NHS: variants seen among roughly 807,000 people sequenced by gnomAD.
NHS encodes the protein actin remodeling regulator NHS.
In NHS, 5 loss-of-function variants were observed where a neutral mutation model predicts 72.5. The observed-to-expected ratio is 0.07, with a 90% CI of 0.04 to 0.14. NHS has a LOEUF of 0.14. Among genes scored for constraint, NHS ranks in the 10% least tolerant of loss-of-function variants. The pLI, the probability that NHS is intolerant of heterozygous loss-of-function variation, is 1.00. For missense variants in NHS, 1,072 were observed against 1,355.7 expected (o/e 0.79, Z 3.29); for synonymous variants, 464 against 547.7 (o/e 0.85, Z 2.13).
intron 1 of NHS, among the ~76,000 whole-genome samples, chrX:17,509,915 A>T (rs1380808974): frequency 1.8e-5 from 2 of 112,778 alleles, no homozygotes; most frequent in Non-Finnish European, 3.7e-5. Flanking sequence ...GCAGCAGACA[A>T]TTCCAGCGTC....
At chrX:17,600,796 T>G (rs2065645811) in intron 1 of NHS, among the ~76,000 whole-genome samples, 1 of 107,028 alleles carries the variant, frequency 9.3e-6, no homozygotes, top group Non-Finnish European at 1.9e-5. Context: ...AAAGGTTGGG[T>G]GGGGGAGCGA....
chrX:17,537,260 C>A lies in NHS; in HGVS notation c.566-150482C>A, dbSNP rs139010890. Among the ~76,000 whole-genome samples the A allele has an allele frequency of 5.4e-3, 602 of 111,954 alleles. 8 individuals are homozygous for A. Among genetic ancestry groups the A allele is most frequent in the African/African-American group, 0.019 (575 of 30,679 alleles). On this transcript the variant is annotated intron_variant, in intron 1 of 8. Coordinates refer to ENST00000676302, the MANE Select transcript of NHS (RefSeq NM_001291867.2). ...GACCAGCTAAGTTCGATCAAAAGCA[C>A]CATTAGGAGATGAGAGCTTTATCTT...
chrX:17,415,006 T>C (rs2064584553), intron 1 of NHS, among the ~76,000 whole-genome samples: 1 of 111,215 alleles, frequency 9.0e-6, no homozygotes, highest in Admixed American at 9.5e-5. Context: ...GGCTGGTATC[T>C]TGGTACTGAG....
At chrX:17,446,848 A>G (rs1176501397) in intron 1 of NHS, among the ~76,000 whole-genome samples, 6 of 111,882 alleles carry the variant, frequency 5.4e-5, no homozygotes, top group African/African-American at 1.6e-4. Flanking sequence ...GCAAGAATAT[A>G]TTTCTGTGTC....
chrX:17,721,669 C>A (rs767524477), intron 5 of NHS, 36 bp downstream of exon 5: 2 of 1,116,176 alleles, frequency 1.8e-6, no homozygotes, highest in African/African-American at 3.6e-5. Flanking sequence ...GCAGTCGGGT[C>A]AGAATATTCT....
chrX:17,530,400 C>T lies in NHS; in HGVS notation c.565+154078C>T, dbSNP rs768029359. 9.0e-5 allele frequency among the ~76,000 whole-genome samples: 10 copies of T among 111,159 alleles called. No homozygotes were observed. The East Asian group carries it at 2.3e-3, about 25-fold the overall frequency. ...TGTTTTGGCTTATGTTGAGTGCTAC[C>T]GACCCCATTTGTCACCAGCAAGCAG... On this transcript the variant is annotated intron_variant, in intron 1 of 8. Transcript: ENST00000676302.
At chrX:17,468,276 A>G (rs757596196) in intron 1 of NHS, among the ~76,000 whole-genome samples, 7 of 111,481 alleles carry the variant, frequency 6.3e-5, no homozygotes, top group African/African-American at 1.6e-4. Flanking sequence ...CATCGATCAC[A>G]GTTTGTAAAG....
chrX:17,561,565 C>CGT (rs1569281958), intron 1 of NHS, among the ~76,000 whole-genome samples: 1 of 73,621 alleles, frequency 1.4e-5, no homozygotes, highest in Non-Finnish European at 2.4e-5. Flanking sequence ...CATGCGCGCG[C>CGT]GCGCGCGCGC....
chrX:17,670,496 A>G (rs1383776466), intron 1 of NHS, among the ~76,000 whole-genome samples: 2 of 112,761 alleles, frequency 1.8e-5, no homozygotes, highest in Non-Finnish European at 3.7e-5. Flanking sequence ...CTGAATCCGC[A>G]CATTTAATTG....
intron 1 of NHS, chrX:17,557,350 T>TATATATA: frequency 9.4e-6 from 1 of 106,833 alleles, no homozygotes; most frequent in African/African-American, 3.5e-5. Context: ...TATATATATC[T>TATATATA]TGCATTTCAA....
At chrX:17,491,361 G>T (rs1359380792) in intron 1 of NHS, among the ~76,000 whole-genome samples, 1 of 111,855 alleles carries the variant, frequency 8.9e-6, no homozygotes, top group African/African-American at 3.3e-5. Context: ...GGCCTTGTCT[G>T]CATCTATTGA....
intron 1 of NHS, among the ~76,000 whole-genome samples, chrX:17,561,570 GCGCGCACACACA>G (rs1423271810): frequency 7.4e-4 from 47 of 63,164 alleles, no homozygotes; most frequent in African/African-American, 3.2e-3. Flanking sequence ...GCGCGCGCGC[GCGCGCACACACA>G]CACACACACA....
At chrX:17,558,740 G>A (rs1427064689) in intron 1 of NHS, among the ~76,000 whole-genome samples, 1 of 112,381 alleles carries the variant, frequency 8.9e-6, no homozygotes, top group Non-Finnish European at 1.9e-5. Context: ...ACAAGGTGAG[G>A]AAAGTTTCCT....
rs773775206 is a variant in NHS at position 17,564,216 on chromosome X, C to G, written c.566-123526C>G. Among the ~76,000 whole-genome samples the G allele has an allele frequency of 8.0e-5, 9 of 112,164 alleles. No individual in the cohort carries two copies. In the South Asian group the frequency reaches 3.4e-3, roughly 42 times the overall value. On this transcript the variant is annotated intron_variant, in intron 1 of 8. Coordinates refer to ENST00000676302, the MANE Select transcript of NHS (RefSeq NM_001291867.2). ...GATGTGAAACTGATCTCTCATCCAC[C>G]TAGACCAGGTCTTGGCCTTGGTACT...
At chrX:17,655,431 G>T (rs1389203205) in intron 1 of NHS, among the ~76,000 whole-genome samples, 2 of 112,690 alleles carry the variant, frequency 1.8e-5, no homozygotes, top group Middle Eastern at 4.6e-3. Context: ...GCAGCCTCCG[G>T]CTTGTCTAAG....
intron 3 of NHS, among the ~76,000 whole-genome samples, chrX:17,713,609 G>A (rs1033771413): frequency 9.0e-5 from 10 of 111,454 alleles, no homozygotes; most frequent in African/African-American, 3.3e-4. Context: ...GGGCTGTTTC[G>A]AAAGAAAATA....
intron 3 of NHS, among the ~76,000 whole-genome samples, chrX:17,695,032 A>ATTT (rs2066219378): frequency 8.9e-6 from 1 of 112,698 alleles, no homozygotes; most frequent in Admixed American, 9.3e-5. Flanking sequence ...GCAAGTGCCT[A>ATTT]GCACAGTGCC....
intron 3 of NHS, among the ~76,000 whole-genome samples, chrX:17,697,982 A>G (rs1349073672): frequency 9.0e-6 from 1 of 111,521 alleles, no homozygotes; most frequent in Non-Finnish European, 1.9e-5. Context: ...TTTTATATAA[A>G]CAGAGAAGAC....
chrX:17,629,386 T>C (rs1170661456), intron 1 of NHS, among the ~76,000 whole-genome samples: 2 of 112,157 alleles, frequency 1.8e-5, no homozygotes. Flanking sequence ...GTCTCTGCCC[T>C]GATATAGAAA....
Sources: gnomAD v4.1 joint callset for allele counts (sites outside exome capture counted in the v4.1 genomes callset) on GRCh38, gnomAD v4.1.1 for gene constraint, MANE v1.5 for transcripts, NCBI Gene and HGNC (gene_info 2026-07-23, HGNC 2026-07-21) for gene names.